NTM: variants seen among roughly 807,000 people sequenced by gnomAD.
NTM encodes the protein IgLON family member 2.
In NTM, 13 loss-of-function variants were observed where a neutral mutation model predicts 42.1. The ratio of observed to expected loss-of-function variants is 0.31; its 90% confidence interval spans 0.20 to 0.49. The LOEUF (loss-of-function observed/expected upper bound fraction) is 0.49, where lower values mean the gene tolerates loss of function less well. NTM is among the 20% of genes least tolerant of loss of function. The pLI is 0.99. For missense variants in NTM, 373 were observed against 452.8 expected, an observed-to-expected ratio of 0.82 and a Z score of 1.60; for synonymous variants, 187 against 179.2, an observed-to-expected ratio of 1.04 and a Z score of -0.35.
intron 2 of NTM, among the ~76,000 whole-genome samples, chr11:132,044,817 G>A (rs61903527): frequency 0.062 from 9,460 of 152,010 alleles, 352 homozygotes; most frequent in South Asian, 0.17. Flanking sequence ...GCACCCTCCC[G>A]AGACTGAACC....
At position 132,261,049 on chromosome 11, in the gene NTM, C is replaced by T. The variant is rs74738047; in HGVS notation, c.527-46640C>T. Among the ~76,000 whole-genome samples the T allele has an allele frequency of 5.9e-5, 9 of 152,310 alleles. No individual in the cohort carries two copies. The East Asian group carries it at 1.2e-3, about 20-fold the overall frequency. On this transcript the variant is annotated intron_variant, in intron 4 of 8. Coordinates refer to ENST00000683400, the MANE Select transcript of NTM (RefSeq NM_001352005.2). ...GTTGCTGGTTCTCGTTTTAGCTGCA[C>T]GGTCATGCACATGTCTGTTAGCCTG...
chr11:131,955,297 G>C (rs2061438579), intron 2 of NTM, among the ~76,000 whole-genome samples: 1 of 152,098 alleles, frequency 6.6e-6, no homozygotes, highest in African/African-American at 2.4e-5. Flanking sequence ...GCGTTGCCTG[G>C]AATAGTAATG....
chr11:131,757,638 C>T (rs1047489821), intron 1 of NTM, among the ~76,000 whole-genome samples: 2 of 152,198 alleles, frequency 1.3e-5, no homozygotes, highest in African/African-American at 4.8e-5. Flanking sequence ...GTATCAAGCC[C>T]TGACATCGTC....
intron 1 of NTM, among the ~76,000 whole-genome samples, chr11:131,831,874 A>G (rs952807985): frequency 1.3e-5 from 2 of 150,720 alleles, no homozygotes; most frequent in South Asian, 4.2e-4. Context: ...ATAAAAGCAT[A>G]AAAGGTCCCA....
chr11:132,223,693 A>C (rs2085613330), intron 4 of NTM, among the ~76,000 whole-genome samples: 1 of 152,256 alleles, frequency 6.6e-6, no homozygotes. Context: ...TTGTTTAAAA[A>C]ATAAGTGAAT....
rs552702162 is a variant in NTM at position 131,687,006 on chromosome 11, G to A, written c.83-224558G>A. ...AGCGGAGCCCAGGCCGCAGGGCCAC[G>A]TTCTGCCCCAGTTCGGGACAACCTG... On this transcript the variant is annotated intron_variant, in intron 1 of 8. Transcript: ENST00000683400. Among the ~76,000 whole-genome samples, 357 of 152,278 alleles carry A rather than the reference G, an allele frequency of 2.3e-3. 1 individual carries two copies. The highest frequency in any genetic ancestry group is 2.2e-3 in the Non-Finnish European group (153 of 68,024).
At chr11:131,575,963 A>G (rs927074433) in intron 1 of NTM, among the ~76,000 whole-genome samples, 2 of 152,148 alleles carry the variant, frequency 1.3e-5, no homozygotes, top group South Asian at 2.1e-4. Context: ...TTAAAATTTC[A>G]TTTTATTCCT....
chr11:131,730,625 T>A (rs2079527522), intron 1 of NTM, among the ~76,000 whole-genome samples: 1 of 151,754 alleles, frequency 6.6e-6, no homozygotes, highest in African/African-American at 2.4e-5. Context: ...AGGCTGAGGC[T>A]GGGGGATTGT....
chr11:132,073,662 A>AT (rs2057995857), intron 2 of NTM, among the ~76,000 whole-genome samples: 1 of 152,202 alleles, frequency 6.6e-6, no homozygotes, highest in Non-Finnish European at 1.5e-5. Flanking sequence ...GGTCAATTTC[A>AT]TTTTGAAATA....
chr11:131,453,132 C>T (rs1950607309), intron 1 of NTM, among the ~76,000 whole-genome samples: 1 of 152,210 alleles, frequency 6.6e-6, no homozygotes, highest in Non-Finnish European at 1.5e-5. Flanking sequence ...ACAATGTCAT[C>T]TCAGGACCAA....
chr11:131,549,566 ACAT>A (rs900389631), intron 1 of NTM, among the ~76,000 whole-genome samples: 1 of 152,130 alleles, frequency 6.6e-6, no homozygotes, highest in African/African-American at 2.4e-5. Flanking sequence ...TCTCTGGAAA[ACAT>A]CAACAACAAA....
intron 1 of NTM, among the ~76,000 whole-genome samples, chr11:131,458,679 C>T (rs746976924): frequency 1.7e-4 from 26 of 152,248 alleles, no homozygotes; most frequent in Non-Finnish European, 3.1e-4. Flanking sequence ...AGAATAAACA[C>T]TACAGAAAAC....
chr11:132,077,082 C>T (rs559764485), intron 2 of NTM, among the ~76,000 whole-genome samples: 1 of 152,334 alleles, frequency 6.6e-6, no homozygotes, highest in South Asian at 2.1e-4. Flanking sequence ...AATATTCACA[C>T]TTTACCTTAC....
rs1338629099 is a variant in NTM, at chr11:132,134,743, A to C, written c.168-11539A>C. Among the ~76,000 whole-genome samples, 50 of 87,592 alleles carry C rather than the reference A, an allele frequency of 5.7e-4. 1 individual carries two copies. The highest frequency in any genetic ancestry group is 1.4e-3 in the Admixed American group (13 of 9,302). The allele number at this position is 87,592 out of a possible 152,430, so 57.5% of individuals were successfully genotyped here. ...TATATATATATATATATATATATATATATATATATATATATATCTCACATT... is the reference window on the plus strand; with the variant it reads ...TATATATATATATATATATATATATCTATATATATATATATATCTCACATT... On this transcript the variant is annotated intron_variant, in intron 2 of 8. Coordinates refer to ENST00000683400, the MANE Select transcript of NTM (RefSeq NM_001352005.2).
intron 1 of NTM, among the ~76,000 whole-genome samples, chr11:131,625,173 T>C (rs2062974452): frequency 6.6e-6 from 1 of 152,106 alleles, no homozygotes; most frequent in Admixed American, 6.6e-5. Context: ...ATACTCAAGC[T>C]CTATTTTAAG....
intron 2 of NTM, among the ~76,000 whole-genome samples, chr11:131,972,500 A>G (rs1004108438): frequency 1.3e-5 from 2 of 152,204 alleles, no homozygotes; most frequent in South Asian, 2.1e-4. Context: ...AGGTAGGGCT[A>G]TAGCTTTGTT....
chr11:132,280,910 A>G (rs1297341789), intron 4 of NTM, among the ~76,000 whole-genome samples: 1 of 152,202 alleles, frequency 6.6e-6, no homozygotes, highest in Non-Finnish European at 1.5e-5. Context: ...GTCATTGCCC[A>G]CAGGGCAGTC....
At chr11:131,468,698 G>C (rs187990747) in intron 1 of NTM, among the ~76,000 whole-genome samples, 1 of 152,186 alleles carries the variant, frequency 6.6e-6, no homozygotes, top group Non-Finnish European at 1.5e-5. Context: ...GATGTCTGTC[G>C]AGTTGTTAAC....
intron 1 of NTM, among the ~76,000 whole-genome samples, chr11:131,785,531 G>T (rs753186807): frequency 3.9e-5 from 6 of 152,152 alleles, no homozygotes; most frequent in Non-Finnish European, 8.8e-5. Flanking sequence ...AGAGCATGCT[G>T]GTTTTCTGAA....
Sources: gnomAD v4.1 joint callset for allele counts (sites outside exome capture counted in the v4.1 genomes callset) on GRCh38, gnomAD v4.1.1 for gene constraint, MANE v1.5 for transcripts, NCBI Gene and HGNC (gene_info 2026-07-23, HGNC 2026-07-21) for gene names.